PRKD1: variants seen among roughly 807,000 people sequenced by gnomAD.
PRKD1 encodes the protein serine/threonine-protein kinase D1.
PRKD1 carries 63 observed loss-of-function variants against 95.9 expected under a neutral mutation model. That is an observed-to-expected ratio of 0.66 (90% CI 0.54 to 0.81). The LOEUF (loss-of-function observed/expected upper bound fraction) is 0.81, where lower values mean the gene tolerates loss of function less well. Among genes scored for constraint, PRKD1 ranks in the 30% least tolerant of loss-of-function variants. PRKD1 has a pLI of 0.00. For missense variants in PRKD1, 1,048 were observed against 1,165.3 expected (o/e 0.90, Z 1.47); for synonymous variants, 425 against 423.1 (o/e 1.00, Z -0.05).
At chr14:29,891,257 C>T in intron 1 of PRKD1, among the ~76,000 whole-genome samples, 1 of 152,184 alleles carries the variant, frequency 6.6e-6, no homozygotes, top group Non-Finnish European at 1.5e-5. Context: ...CAAGGGAGAG[C>T]AACAACAGTC....
intron 1 of PRKD1, among the ~76,000 whole-genome samples, chr14:29,819,822 G>A (rs1890840551): frequency 6.6e-6 from 1 of 152,172 alleles, no homozygotes; most frequent in African/African-American, 2.4e-5. Context: ...CAAATTTTCT[G>A]TAAATTTGAA....
At chr14:29,652,400 T>C (rs1881566448) in intron 4 of PRKD1, among the ~76,000 whole-genome samples, 1 of 152,156 alleles carries the variant, frequency 6.6e-6, no homozygotes, top group Admixed American at 6.5e-5. Context: ...CAATCACATA[T>C]CTGCAAGGTT....
intron 2 of PRKD1, among the ~76,000 whole-genome samples, chr14:29,694,759 G>A (rs1884420144): frequency 2.0e-5 from 3 of 152,152 alleles, no homozygotes; most frequent in Admixed American, 1.3e-4. Flanking sequence ...CACTGAGAAG[G>A]TGCCACTTCA....
chr14:29,890,489 A>G (rs897920816), intron 1 of PRKD1, among the ~76,000 whole-genome samples: 3 of 152,208 alleles, frequency 2.0e-5, no homozygotes, highest in Non-Finnish European at 4.4e-5. Context: ...CCAAAAATAA[A>G]TAACTAGATA....
chr14:29,628,138 G>C (rs906582379), intron 11 of PRKD1, among the ~76,000 whole-genome samples: 1 of 152,160 alleles, frequency 6.6e-6, no homozygotes, highest in African/African-American at 2.4e-5. Flanking sequence ...GACAGCACAA[G>C]AATTTATCTA....
chr14:29,748,887 G>A (rs953289609), intron 1 of PRKD1, among the ~76,000 whole-genome samples: 1 of 152,142 alleles, frequency 6.6e-6, no homozygotes, highest in Non-Finnish European at 1.5e-5. Flanking sequence ...GGTGAAAAAC[G>A]AAATCCTTAA....
rs1003464798 is a variant in PRKD1, at chr14:29,597,816, T to C, written c.2167-58A>G. The C allele has an allele frequency of 2.7e-6, 4 of 1,496,672 alleles. No individual in the cohort carries two copies. The Admixed American group carries it at 6.3e-5, about 23-fold the overall frequency. The allele number at this position is 1,496,672 out of a possible 1,614,324, so 92.7% of individuals were successfully genotyped here. On this transcript the variant is annotated intron_variant, in intron 15 of 17. Coordinates refer to ENST00000331968, the MANE Select transcript of PRKD1 (RefSeq NM_002742.3). ...TTCACAATTGTGTGTCTGTGTGTCT[T>C]AGTTCAGATTCACCAGATACAACCA...
At chr14:29,596,470 T>G (rs913243118) in intron 16 of PRKD1, among the ~76,000 whole-genome samples, 1 of 152,220 alleles carries the variant, frequency 6.6e-6, no homozygotes, top group Non-Finnish European at 1.5e-5. Flanking sequence ...TTCTTTTTTT[T>G]TGAGATGGAG....
chr14:29,904,313 A>G (rs45545338), intron 1 of PRKD1, among the ~76,000 whole-genome samples: 1,552 of 152,344 alleles, frequency 0.01, 22 homozygotes, highest in African/African-American at 0.035. Flanking sequence ...CTTAAGTTCC[A>G]TAAATATAGT....
At chr14:29,913,225 T>A (rs1165093997) in intron 1 of PRKD1, among the ~76,000 whole-genome samples, 1 of 152,228 alleles carries the variant, frequency 6.6e-6, no homozygotes, top group East Asian at 1.9e-4. Flanking sequence ...AAAAATGACA[T>A]GGTTAATATA....
In PRKD1 at chr14:29,734,028, C is replaced by CTTTTTTTT. The variant is rs58908662; in HGVS notation, c.265-8362_265-8355dup. 2.6e-3 allele frequency among the ~76,000 whole-genome samples: 165 copies of CTTTTTTTT among 64,664 alleles called. 18 individuals are homozygous for CTTTTTTTT. Among genetic ancestry groups the CTTTTTTTT allele is most frequent in the African/African-American group, 9.7e-3 (123 of 12,722 alleles). The allele number at this position is 64,664 out of a possible 152,430, so 42.4% of individuals were successfully genotyped here. On this transcript the variant is annotated intron_variant, in intron 1 of 17. Transcript: ENST00000331968. ...CTGGTTTTGAGTCATACTTTCCTGC[C>CTTTTTTTT]TTTTTTTTTTTTTTTTTTTTTTTTT...
At chr14:29,744,202 T>C (rs1887110260) in intron 1 of PRKD1, among the ~76,000 whole-genome samples, 2 of 152,122 alleles carry the variant, frequency 1.3e-5, no homozygotes, top group Non-Finnish European at 2.9e-5. Context: ...GTATCACATA[T>C]TAACATGTTC....
intron 1 of PRKD1, among the ~76,000 whole-genome samples, chr14:29,779,092 T>G (rs1368132306): frequency 6.6e-6 from 1 of 152,190 alleles, no homozygotes; most frequent in African/African-American, 2.4e-5. Flanking sequence ...CAACAGCCCT[T>G]CATGCTAAAA....
chr14:29,588,467 A>G (rs1893010622), intron 16 of PRKD1, among the ~76,000 whole-genome samples: 1 of 152,228 alleles, frequency 6.6e-6, no homozygotes, highest in Admixed American at 6.5e-5. Context: ...TGGCAAAAAT[A>G]TCTTAAAAAT....
At chr14:29,614,331 G>A (rs764126270) in intron 13 of PRKD1, among the ~76,000 whole-genome samples, 2 of 151,998 alleles carry the variant, frequency 1.3e-5, no homozygotes, top group African/African-American at 2.4e-5. Flanking sequence ...TATAAACAGA[G>A]GGAGAATAAA....
At chr14:29,616,988 G>A (rs1878909938) in intron 13 of PRKD1, among the ~76,000 whole-genome samples, 1 of 151,942 alleles carries the variant, frequency 6.6e-6, no homozygotes, top group African/African-American at 2.4e-5. Flanking sequence ...AGTATCTATT[G>A]TTTCCTTCTT....
intron 13 of PRKD1, among the ~76,000 whole-genome samples, chr14:29,614,145 G>A (rs1395921984): frequency 3.3e-5 from 5 of 152,124 alleles, no homozygotes; most frequent in Non-Finnish European, 7.4e-5. Context: ...AATATTACTA[G>A]GGTGCTTTGC....
At chr14:29,653,940 A>C (rs1166691313) in intron 4 of PRKD1, among the ~76,000 whole-genome samples, 1 of 152,174 alleles carries the variant, frequency 6.6e-6, no homozygotes, top group Non-Finnish European at 1.5e-5. Context: ...TTTTATATAG[A>C]TATATTTCAA....
intron 1 of PRKD1, among the ~76,000 whole-genome samples, chr14:29,750,794 A>G (rs998802438): frequency 3.3e-5 from 5 of 152,194 alleles, no homozygotes; most frequent in African/African-American, 9.7e-5. Context: ...TTACAATGAA[A>G]TAATGTTGAA....
Sources: gnomAD v4.1 joint callset for allele counts (sites outside exome capture counted in the v4.1 genomes callset) on GRCh38, gnomAD v4.1.1 for gene constraint, MANE v1.5 for transcripts, NCBI Gene and HGNC (gene_info 2026-07-23, HGNC 2026-07-21) for gene names.